The following FNBP4 variants were observed in gnomAD, a reference collection of about 807,000 sequenced individuals.
The protein encoded by FNBP4 is formin-binding protein 4.
FNBP4 carries 34 observed loss-of-function variants against 119.3 expected under a neutral mutation model. The ratio of observed to expected loss-of-function variants is 0.28; its 90% CI spans 0.22 to 0.38. The LOEUF (loss-of-function observed/expected upper bound fraction) is 0.38, where lower values mean the gene tolerates loss of function less well. Ranked by LOEUF, FNBP4 falls within the 10% of genes least tolerant of loss-of-function variation. The pLI, the probability that FNBP4 is intolerant of heterozygous loss-of-function variation, is 1.00. For missense variants in FNBP4, 1,112 were observed against 1,228.9 expected, an observed-to-expected ratio of 0.90 and a Z score of 1.42; for synonymous variants, 462 against 430.6, an observed-to-expected ratio of 1.07 and a Z score of -0.90.
At chr11:47,766,159 CAAA>C (rs1254530851) in intron 1 of FNBP4, among the ~76,000 whole-genome samples, 1 of 151,784 alleles carries the variant, frequency 6.6e-6, no homozygotes, top group African/African-American at 2.4e-5. Flanking sequence ...ACTGAAAATA[CAAA>C]AATTAGCCGG....
At chr11:47,744,199 A>G in intron 7 of FNBP4, 36 bp from the exon 8 acceptor site, 1 of 1,489,528 alleles carries the variant, frequency 6.7e-7, no homozygotes, top group Non-Finnish European at 9.4e-7. Context: ...AGTGTCATTA[A>G]CTGCTTATTA....
intron 4 of FNBP4, 46 bp downstream of exon 4, chr11:47,752,870 C>T (rs1167886768): frequency 1.3e-6 from 2 of 1,514,800 alleles, no homozygotes; most frequent in Middle Eastern, 1.8e-4. Flanking sequence ...CCTAGAATCC[C>T]TTTAAGGATT....
intron 8 of FNBP4, among the ~76,000 whole-genome samples, chr11:47,740,152 C>T (rs1399219494): frequency 6.6e-6 from 1 of 151,832 alleles, no homozygotes; most frequent in Non-Finnish European, 1.5e-5. Context: ...CAGTGTCTCA[C>T]GCCTGTAATC....
At chr11:47,748,560 G>A (rs2097595469) in intron 6 of FNBP4, among the ~76,000 whole-genome samples, 1 of 151,778 alleles carries the variant, frequency 6.6e-6, no homozygotes, top group Non-Finnish European at 1.5e-5. Flanking sequence ...TTGTAGAGAT[G>A]GGGTTGATCT....
At chr11:47,743,807 G>C in intron 8 of FNBP4, 146 bp downstream of exon 8, 1 of 701,408 alleles carries the variant, frequency 1.4e-6, no homozygotes, top group Non-Finnish European at 2.4e-6. Flanking sequence ...AAGGTAGAGA[G>C]GTGGATGGAA....
At chr11:47,758,548 A>C (rs1405503798) in intron 2 of FNBP4, among the ~76,000 whole-genome samples, 1 of 152,116 alleles carries the variant, frequency 6.6e-6, no homozygotes, top group East Asian at 1.9e-4. Context: ...ATAGTATTTT[A>C]AACTGGTAAG....
In FNBP4 at chr11:47,767,121, G is replaced by GGTC. The variant is rs1305627419; in HGVS notation, c.165_167dup (p.Thr59dup). On this transcript the variant is annotated inframe_insertion, in exon 1 of 17. Transcript: ENST00000263773. ...CGGCGGCAGTCACCGCGGTGGTGGT[G>GGTC]GTCGTCGCCGCCGACGGGGCGGGCT... The GGTC allele has an allele frequency of 1.3e-5, 19 of 1,454,302 alleles. No individual in the cohort carries two copies. The highest frequency in any genetic ancestry group is 1.5e-5 in the Non-Finnish European group (16 of 1,078,604). The allele number at this position is 1,454,302 out of a possible 1,614,324, so 90.1% of individuals were successfully genotyped here.
chr11:47,724,410 G>T, intron 13 of FNBP4, 58 bp downstream of exon 13: 1 of 1,611,190 alleles, frequency 6.2e-7, no homozygotes, highest in East Asian at 2.2e-5. Context: ...AATAAAACAT[G>T]GTGTCAATCA....
intron 12 of FNBP4, 30 bp downstream of exon 12, chr11:47,731,344 G>T: frequency 2.6e-6 from 4 of 1,527,666 alleles, no homozygotes; most frequent in South Asian, 1.3e-5. Flanking sequence ...AGTCATTTTG[G>T]CTGAATTAGT....
intron 13 of FNBP4, 131 bp from the exon 14 acceptor site, chr11:47,724,303 G>T: frequency 6.6e-7 from 1 of 1,505,634 alleles, no homozygotes; most frequent in Non-Finnish European, 9.0e-7. Flanking sequence ...ACTCATTGCA[G>T]CCTCCTGGGC....
At chr11:47,750,688 C>CAAAAAAAAAAAAAAAAAAAAAAA (rs67153479) in intron 6 of FNBP4, among the ~76,000 whole-genome samples, 6 of 68,068 alleles carry the variant, frequency 8.8e-5, no homozygotes, top group African/African-American at 1.9e-4. Flanking sequence ...GACTCTGTCT[C>CAAAAAAAAAAAAAAAAAAAAAAA]AAAAAAAAAA....
Position 47,732,819 on chromosome 11 carries a change from T to C in FNBP4, c.1687-149A>G. On this transcript the variant is annotated intron_variant, in intron 10 of 16. Coordinates refer to ENST00000263773, the MANE Select transcript of FNBP4 (RefSeq NM_015308.5). The surrounding 1 kb of genome is among the most constrained non-coding windows in gnomAD (Gnocchi z 4.2). ...GAGGAAAATAAACCCCATCTTCATC[T>C]CATAAAATAATCTTAAGGCCGGGCA... The C allele has an allele frequency of 1.3e-6, 1 of 753,928 alleles. No individual in the cohort carries two copies. Among genetic ancestry groups the C allele is most frequent in the Admixed American group, 2.7e-5 (1 of 36,536 alleles). The allele number at this position is 753,928 out of a possible 1,614,324, so 46.7% of individuals were successfully genotyped here.
intron 8 of FNBP4, among the ~76,000 whole-genome samples, chr11:47,737,932 G>A (rs2135145647): frequency 6.6e-6 from 1 of 152,236 alleles, no homozygotes; most frequent in South Asian, 2.1e-4. Context: ...TTTTAGTAGA[G>A]ATGGGGTTTC....
chr11:47,749,181 G>A (rs2097596769), intron 6 of FNBP4, among the ~76,000 whole-genome samples: 1 of 152,126 alleles, frequency 6.6e-6, no homozygotes, highest in African/African-American at 2.4e-5. Context: ...GTCTGAGGCA[G>A]GACTGCTTGA....
At chr11:47,726,672 GC>G (rs2097561422) in intron 12 of FNBP4, 2 of 151,870 alleles carry the variant, frequency 1.3e-5, no homozygotes, top group South Asian at 4.1e-4. Context: ...TTTATATTTG[GC>G]CATATTTAAT....
Position 47,732,493 on chromosome 11 carries a change from G to C in FNBP4, c.1820+44C>G. ...ATGGTGGTGATCACAAATCATGTCT[G>C]AGATGTCAAAGGTGAAAGGTGAAAA... is the stretch of plus-strand genomic sequence containing the variant. On this transcript the variant is annotated intron_variant, in intron 11 of 16. Coordinates refer to ENST00000263773, the MANE Select transcript of FNBP4 (RefSeq NM_015308.5). The surrounding 1 kb of genome is among the most constrained non-coding windows in gnomAD (Gnocchi z 4.2). 1 of 1,612,426 alleles carries C rather than the reference G, an allele frequency of 6.2e-7. No individual in the cohort carries two copies. The highest frequency in any genetic ancestry group is 8.5e-7 in the Non-Finnish European group (1 of 1,178,760).
intron 1 of FNBP4, 152 bp downstream of exon 1, chr11:47,766,917 C>G (rs2097648822): frequency 7.5e-7 from 1 of 1,340,992 alleles, no homozygotes; most frequent in African/African-American, 1.6e-5. Flanking sequence ...TTCTGCGGCC[C>G]GGAGCCCAGG....
At chr11:47,752,788 T>G in intron 4 of FNBP4, 128 bp downstream of exon 4, 1 of 877,324 alleles carries the variant, frequency 1.1e-6, no homozygotes, top group Non-Finnish European at 1.7e-6. Context: ...CACTCCAGCC[T>G]GGGCGACAGA....
At position 47,732,603 on chromosome 11, in the gene FNBP4, G is replaced by A. The variant is rs2097568731; in HGVS notation, c.1754C>T (p.Ala585Val). Residue 585 changes from alanine to valine, a missense_variant, in exon 11 of 17, where the codon GCA becomes GTA. By Grantham distance (64) the Ala-to-Val change is moderately conservative. Around this residue, in one of 2 missense-constraint regions of FNBP4, gnomAD observed 826 missense variants for 988.8 expected, o/e 0.84. Coordinates refer to ENST00000263773, the MANE Select transcript of FNBP4 (RefSeq NM_015308.5). This position sits in a 1 kb window ranked among gnomAD's most constrained non-coding sequence, Gnocchi z 4.2. ...GNYLKRKLQD[A>V]AEQLKQYEIN... ...TTCATACTGTTTTAGTTGTTCTGCT[G>A]CATCCTGAAGTTTTCGTTTAAGGTA... The A allele has an allele frequency of 6.2e-7, 1 of 1,614,016 alleles. No individual in the cohort carries two copies. The highest frequency in any genetic ancestry group is 8.5e-7 in the Non-Finnish European group (1 of 1,180,026).
Sources: allele counts gnomAD v4.1 joint callset (sites outside exome capture counted in the v4.1 genomes callset), GRCh38; gene constraint gnomAD v4.1.1; regional missense constraint gnomAD v4.1.1; non-coding constraint Gnocchi (gnomAD v3.1); transcripts MANE v1.5; gene names NCBI Gene and HGNC (gene_info 2026-07-23, HGNC 2026-07-21).